The following DCC variants were observed in gnomAD, a reference collection of about 807,000 sequenced individuals.
DCC encodes DCC netrin 1 receptor.
A neutral mutation model predicts 172.5 loss-of-function variants in DCC; 58 were observed. The observed-to-expected ratio is 0.34, with a 90% CI of 0.27 to 0.42. The LOEUF is 0.42. DCC is among the 10% of genes least tolerant of loss of function. The probability of loss-of-function intolerance (pLI) is 1.00; values close to 1 mark genes in which losing one functional copy is unlikely to be tolerated. For missense variants in DCC, 1,740 were observed against 1,791.0 expected (o/e 0.97, Z 0.51); for synonymous variants, 709 against 644.5 (o/e 1.10, Z -1.52).
intron 7 of DCC, among the ~76,000 whole-genome samples, chr18:53,148,858 C>A (rs2043955748): frequency 8.8e-6 from 1 of 113,870 alleles, no homozygotes; most frequent in South Asian, 3.0e-4. Context: ...TCAGAACTTC[C>A]CAATGCCTTT....
At chr18:53,458,845 C>T (rs985639003) in intron 23 of DCC, among the ~76,000 whole-genome samples, 4 of 152,092 alleles carry the variant, frequency 2.6e-5, no homozygotes, top group African/African-American at 7.2e-5. Flanking sequence ...TTCTATTTGC[C>T]CTTTCAAAGC....
intron 7 of DCC, among the ~76,000 whole-genome samples, chr18:53,153,442 A>G (rs1214075172): frequency 1.3e-5 from 2 of 152,126 alleles, no homozygotes; most frequent in African/African-American, 2.4e-5. Flanking sequence ...ACTTCTGAAC[A>G]TGTAGTGCTC....
intron 1 of DCC, among the ~76,000 whole-genome samples, chr18:52,750,606 C>T (rs1246864254): frequency 1.3e-5 from 2 of 152,060 alleles, no homozygotes; most frequent in Non-Finnish European, 2.9e-5. Flanking sequence ...AGACTTCAAA[C>T]GTAAGTTTTA....
intron 5 of DCC, among the ~76,000 whole-genome samples, chr18:52,943,836 G>A (rs559206796): frequency 7.2e-5 from 11 of 152,100 alleles, no homozygotes; most frequent in East Asian, 3.9e-4. Flanking sequence ...TGTAGCTTCC[G>A]CCTCCTGGGT....
chr18:52,889,169 A>G (rs531354763), intron 2 of DCC, among the ~76,000 whole-genome samples: 215 of 152,238 alleles, frequency 1.4e-3, no homozygotes, highest in Non-Finnish European at 2.4e-3. Flanking sequence ...GAGATGGGGT[A>G]AAAATCTTTA....
intron 2 of DCC, among the ~76,000 whole-genome samples, chr18:52,898,409 G>A (rs1350943038): frequency 9.2e-5 from 14 of 152,156 alleles, no homozygotes; most frequent in Admixed American, 9.2e-4. Flanking sequence ...CCTAGAGGCG[G>A]CAAGTCTTGG....
At chr18:52,441,011 T>C (rs1450513532) in intron 1 of DCC, among the ~76,000 whole-genome samples, 1 of 152,214 alleles carries the variant, frequency 6.6e-6, no homozygotes, top group Non-Finnish European at 1.5e-5. Context: ...AGTCACTTGA[T>C]AGGGACTTAA....
intron 25 of DCC, among the ~76,000 whole-genome samples, chr18:53,483,269 TTTA>T (rs1431163701): frequency 6.6e-6 from 1 of 151,954 alleles, no homozygotes; most frequent in Non-Finnish European, 1.5e-5. Context: ...ATAAAATATC[TTTA>T]TTGAGGCATT....
At chr18:52,541,885 A>AAT (rs2144704399) in intron 1 of DCC, among the ~76,000 whole-genome samples, 1 of 138,856 alleles carries the variant, frequency 7.2e-6, no homozygotes, top group African/African-American at 2.6e-5. Flanking sequence ...GTATATATAT[A>AAT]TATATATATA....
chr18:53,258,590 T>C (rs900888446), intron 12 of DCC, among the ~76,000 whole-genome samples: 7 of 152,326 alleles, frequency 4.6e-5, no homozygotes, highest in African/African-American at 1.4e-4. Context: ...TTTGTTATAA[T>C]TTCTGTTCTT....
At chr18:52,883,441 A>G (rs1184934156) in intron 2 of DCC, among the ~76,000 whole-genome samples, 4 of 146,618 alleles carry the variant, frequency 2.7e-5, no homozygotes, top group Non-Finnish European at 6.0e-5. Context: ...CTCTAGTGAT[A>G]TATTTTCTTT....
At chr18:53,234,797 G>A (rs1473636012) in intron 12 of DCC, among the ~76,000 whole-genome samples, 1 of 152,162 alleles carries the variant, frequency 6.6e-6, no homozygotes, top group Non-Finnish European at 1.5e-5. Context: ...AAGTGATAAT[G>A]CCTTTTAATA....
intron 7 of DCC, among the ~76,000 whole-genome samples, chr18:53,130,832 T>C (rs1384821002): frequency 6.6e-6 from 1 of 152,154 alleles, no homozygotes; most frequent in African/African-American, 2.4e-5. Flanking sequence ...TATGTGTGTT[T>C]TCTACTTTCC....
intron 21 of DCC, among the ~76,000 whole-genome samples, chr18:53,426,987 G>A (rs988265108): frequency 6.6e-6 from 1 of 152,062 alleles, no homozygotes; most frequent in African/African-American, 2.4e-5. Flanking sequence ...TTCTTCCCGG[G>A]ATGCTTGGCA....
chr18:53,421,676 C>A (rs1369772700), intron 21 of DCC, among the ~76,000 whole-genome samples: 1 of 152,196 alleles, frequency 6.6e-6, no homozygotes, highest in Non-Finnish European at 1.5e-5. Context: ...AGTCCTGCCA[C>A]TGGGACCTCT....
intron 5 of DCC, among the ~76,000 whole-genome samples, chr18:52,991,661 G>A (rs2041394008): frequency 6.6e-6 from 1 of 151,980 alleles, no homozygotes; most frequent in East Asian, 1.9e-4. Flanking sequence ...CTCTCGATTG[G>A]TACTGCAGGA....
At chr18:52,900,440 G>A (rs941926683) in intron 2 of DCC, among the ~76,000 whole-genome samples, 1 of 152,104 alleles carries the variant, frequency 6.6e-6, no homozygotes, top group Non-Finnish European at 1.5e-5. Flanking sequence ...TCTCATAATG[G>A]CTCTATATCT....
chr18:53,323,063 C>A (rs939241027), intron 14 of DCC, among the ~76,000 whole-genome samples: 2 of 152,024 alleles, frequency 1.3e-5, no homozygotes, highest in Admixed American at 6.5e-5. Flanking sequence ...CAATGAAATT[C>A]TCTTACTCCT....
chr18:53,012,079 C>T (rs552522923), intron 5 of DCC, among the ~76,000 whole-genome samples: 154 of 151,730 alleles, frequency 1.0e-3, no homozygotes, highest in African/African-American at 3.3e-3. Flanking sequence ...CTGGTGTGCA[C>T]GTATATTATT....
Sources: gnomAD v4.1 joint callset for allele counts (sites outside exome capture counted in the v4.1 genomes callset) on GRCh38, gnomAD v4.1.1 for gene constraint, MANE v1.5 for transcripts, NCBI Gene and HGNC (gene_info 2026-07-23, HGNC 2026-07-21) for gene names.